PTPRD: variants seen among roughly 807,000 people sequenced by gnomAD.
The protein encoded by PTPRD is protein tyrosine phosphatase receptor type D.
A neutral mutation model predicts 214.5 loss-of-function variants in PTPRD; 34 were observed. The observed-to-expected ratio is 0.16, with a 90% CI of 0.12 to 0.21. The LOEUF (loss-of-function observed/expected upper bound fraction) is 0.21, where lower values mean the gene tolerates loss of function less well. Among genes scored for constraint, PTPRD ranks in the 10% least tolerant of loss-of-function variants. PTPRD has a pLI of 1.00. For missense variants in PTPRD, 2,545 were observed against 2,398.7 expected, an observed-to-expected ratio of 1.06 and a Z score of -1.27; for synonymous variants, 1,128 against 845.7, an observed-to-expected ratio of 1.33 and a Z score of -5.79.
intron 34 of PTPRD, chr9:8,438,672 G>T (rs1364785843): frequency 1.3e-5 from 2 of 152,238 alleles, no homozygotes; most frequent in East Asian, 3.9e-4. Context: ...CTTTCACAGA[G>T]AAAATAATAG....
At chr9:10,388,849 C>T (rs2097987644) in intron 2 of PTPRD, among the ~76,000 whole-genome samples, 1 of 151,724 alleles carries the variant, frequency 6.6e-6, no homozygotes, top group Admixed American at 6.6e-5. Flanking sequence ...AGCAGAGAGA[C>T]TAGAATTTAG....
chr9:8,819,837 CAGAG>C (rs1431881345), intron 11 of PTPRD, among the ~76,000 whole-genome samples: 1 of 152,242 alleles, frequency 6.6e-6, no homozygotes, highest in South Asian at 2.1e-4. Context: ...GACATACAAT[CAGAG>C]AGCACAAAAC....
rs192792571 is a variant in PTPRD, at chr9:8,507,234, A to G, written c.1677+67T>C. ...TCTCTGACCAAGAATGTGGATAAAT[A>G]CACAAAAATAAAAAAGTGGCCCCAC... On this transcript the variant is annotated intron_variant, in intron 22 of 45. Transcript: ENST00000381196. 1.2e-5 allele frequency: 18 copies of G among 1,548,584 alleles called. No individual in the cohort carries two copies. The Admixed American group carries it at 3.4e-4, about 29-fold the overall frequency.
intron 5 of PTPRD, among the ~76,000 whole-genome samples, chr9:9,848,326 C>T (rs1336651373): frequency 6.6e-6 from 1 of 152,080 alleles, no homozygotes; most frequent in East Asian, 1.9e-4. Context: ...AATAAAGAAA[C>T]ATGGCCACTA....
At chr9:10,268,112 C>A (rs1181604126) in intron 3 of PTPRD, among the ~76,000 whole-genome samples, 2 of 134,816 alleles carry the variant, frequency 1.5e-5, no homozygotes, top group Non-Finnish European at 3.2e-5. Context: ...CCCCCATCTC[C>A]ATCTTTTTTT....
At chr9:9,139,764 T>C (rs966032583) in intron 10 of PTPRD, among the ~76,000 whole-genome samples, 6 of 152,184 alleles carry the variant, frequency 3.9e-5, no homozygotes, top group Admixed American at 2.6e-4. Flanking sequence ...CCACAGGTAA[T>C]TGAAACTGCA....
At chr9:8,555,053 A>G (rs1432489088) in intron 14 of PTPRD, among the ~76,000 whole-genome samples, 4 of 152,198 alleles carry the variant, frequency 2.6e-5, no homozygotes, top group South Asian at 2.1e-4. Flanking sequence ...TACTATATCA[A>G]GAGAATAACA....
At chr9:8,733,496 T>C (rs1024597035) in intron 12 of PTPRD, among the ~76,000 whole-genome samples, 2 of 152,158 alleles carry the variant, frequency 1.3e-5, no homozygotes, top group African/African-American at 4.8e-5. Flanking sequence ...ATCCTTGGTC[T>C]CATAATATCT....
intron 2 of PTPRD, among the ~76,000 whole-genome samples, chr9:10,510,857 C>T (rs931762092): frequency 7.9e-5 from 12 of 152,110 alleles, no homozygotes; most frequent in Admixed American, 4.6e-4. Flanking sequence ...CCTTCCCTCC[C>T]CAGTATCCTT....
chr9:8,837,520 T>C (rs1345760301), intron 11 of PTPRD, among the ~76,000 whole-genome samples: 2 of 152,108 alleles, frequency 1.3e-5, no homozygotes, highest in African/African-American at 4.8e-5. Flanking sequence ...TGTTTTGTTT[T>C]GAGAAGAGGT....
At chr9:8,352,634 T>C (rs139142391) in intron 39 of PTPRD, among the ~76,000 whole-genome samples, 1,989 of 152,182 alleles carry the variant, frequency 0.013, 35 homozygotes, top group African/African-American at 0.046. Context: ...TCATTAGAAA[T>C]ATAAATGCTA....
intron 3 of PTPRD, among the ~76,000 whole-genome samples, chr9:10,285,605 CTTTTTTT>C (rs34225956): frequency 5.8e-5 from 6 of 104,066 alleles, no homozygotes; most frequent in East Asian, 3.0e-4. Flanking sequence ...GGGGTCTCAT[CTTTTTTT>C]TTTTTTTTTT....
intron 11 of PTPRD, among the ~76,000 whole-genome samples, chr9:8,813,996 G>C (rs977654095): frequency 6.6e-6 from 1 of 152,152 alleles, no homozygotes; most frequent in Non-Finnish European, 1.5e-5. Flanking sequence ...GTGTAATCAG[G>C]TGTATTTATT....
intron 2 of PTPRD, among the ~76,000 whole-genome samples, chr9:10,486,752 T>A (rs2099135440): frequency 6.6e-6 from 1 of 152,200 alleles, no homozygotes; most frequent in African/African-American, 2.4e-5. Flanking sequence ...ATGATTCATG[T>A]GCTGAGGGGA....
At chr9:9,972,593 TG>T (rs1031622711) in intron 4 of PTPRD, among the ~76,000 whole-genome samples, 3 of 152,208 alleles carry the variant, frequency 2.0e-5, no homozygotes, top group African/African-American at 7.2e-5. Flanking sequence ...TATAGTAGCT[TG>T]AAAGAACACA....
chr9:9,717,943 A>C (rs577709901), intron 7 of PTPRD, among the ~76,000 whole-genome samples: 1 of 152,008 alleles, frequency 6.6e-6, no homozygotes, highest in African/African-American at 2.4e-5. Context: ...AAAAAAATCC[A>C]TTTTGTCTTT....
chr9:8,833,131 G>C (rs1020084267), intron 11 of PTPRD, among the ~76,000 whole-genome samples: 3 of 152,068 alleles, frequency 2.0e-5, no homozygotes, highest in Non-Finnish European at 4.4e-5. Context: ...CTTACAGAGA[G>C]AAAGAAAAAA....
chr9:9,454,220 T>G (rs1315821240), intron 8 of PTPRD, among the ~76,000 whole-genome samples: 2 of 151,752 alleles, frequency 1.3e-5, no homozygotes, highest in Non-Finnish European at 2.9e-5. Context: ...AAAAGCTGGC[T>G]TTCTGGGGAA....
chr9:9,193,786 T>G (rs1325286899), intron 9 of PTPRD, among the ~76,000 whole-genome samples: 2 of 152,112 alleles, frequency 1.3e-5, no homozygotes, highest in East Asian at 3.9e-4. Context: ...GATGAGTGAA[T>G]GTGAAGGCCT....
Sources: gnomAD v4.1 joint callset for allele counts (sites outside exome capture counted in the v4.1 genomes callset) on GRCh38, gnomAD v4.1.1 for gene constraint, MANE v1.5 for transcripts, NCBI Gene and HGNC (gene_info 2026-07-23, HGNC 2026-07-21) for gene names.